MTBP: variants seen among roughly 807,000 people sequenced by gnomAD.
MTBP encodes the protein mdm2-binding protein.
MTBP carries 101 observed loss-of-function variants against 117.0 expected under a neutral mutation model. That is an observed-to-expected ratio of 0.86 (90% CI 0.73 to 1.02). MTBP has a LOEUF of 1.02. Ranked by LOEUF, MTBP falls within the 50% of genes least tolerant of loss-of-function variation. MTBP has a pLI of 0.00. For synonymous variants in MTBP, 350 were observed against 351.5 expected, an observed-to-expected ratio of 1.00 and a Z score of 0.05; for missense variants, 970 against 1,030.9, an observed-to-expected ratio of 0.94 and a Z score of 0.81.
chr8:120,484,405 A>G (rs1814164874), intron 11 of MTBP, among the ~76,000 whole-genome samples: 1 of 152,098 alleles, frequency 6.6e-6, no homozygotes. Flanking sequence ...AATAGACTAT[A>G]ACCCACGGTA....
rs1337084037 is a variant in MTBP at position 120,451,451 on chromosome 8, ACT to A, written c.425+133_425+134del. 9.4e-6 allele frequency: 7 copies of A among 746,180 alleles called. No homozygotes were observed. In the East Asian group the frequency reaches 2.0e-4, roughly 21 times the overall value. The allele number at this position is 746,180 out of a possible 1,614,324, so 46.2% of individuals were successfully genotyped here. On this transcript the variant is annotated intron_variant, in intron 4 of 21. Transcript: ENST00000305949. ...AAACTCTAGTTAATTGAAATTTTTGACTCTCAATTTGGGCCTTTTATTTGAAT... is the reference window on the plus strand; with the variant it reads ...AAACTCTAGTTAATTGAAATTTTTGACTCAATTTGGGCCTTTTATTTGAAT...
intron 11 of MTBP, among the ~76,000 whole-genome samples, chr8:120,479,885 C>G (rs1205822715): frequency 2.0e-5 from 3 of 152,024 alleles, no homozygotes; most frequent in Admixed American, 6.6e-5. Flanking sequence ...GAAGGAAGAT[C>G]AAGAATCAAT....
intron 13 of MTBP, among the ~76,000 whole-genome samples, chr8:120,491,839 G>T (rs1008332360): frequency 6.6e-6 from 1 of 151,970 alleles, no homozygotes; most frequent in Non-Finnish European, 1.5e-5. Context: ...TCTAAAGCTG[G>T]TGCATCTCTT....
intron 17 of MTBP, among the ~76,000 whole-genome samples, chr8:120,510,459 A>T (rs1476508263): frequency 1.3e-5 from 2 of 152,184 alleles, no homozygotes; most frequent in Non-Finnish European, 2.9e-5. Flanking sequence ...CAATATCCTC[A>T]AACTGGAAAG....
At chr8:120,450,679 T>A (rs1370781337) in intron 2 of MTBP, among the ~76,000 whole-genome samples, 3 of 152,200 alleles carry the variant, frequency 2.0e-5, no homozygotes, top group African/African-American at 7.2e-5. Context: ...TACTCAGTAG[T>A]AATTGAGTAG....
rs780695468 is a variant in MTBP at position 120,451,429 on chromosome 8, C to G, written c.425+107C>G. The G allele has an allele frequency of 1.0e-5, 10 of 976,260 alleles. No individual in the cohort carries two copies. In the African/African-American group the frequency reaches 1.5e-4, roughly 15 times the overall value. The allele number at this position is 976,260 out of a possible 1,614,324, so 60.5% of individuals were successfully genotyped here. On this transcript the variant is annotated intron_variant, in intron 4 of 21. Transcript: ENST00000305949. ...TATTTTAGCATCTTTACTGAAGAAA[C>G]TCTAGTTAATTGAAATTTTTGACTC...
intron 9 of MTBP, 98 bp from the exon 10 acceptor site, chr8:120,463,594 T>G (rs1813625318): frequency 1.0e-6 from 1 of 982,470 alleles, no homozygotes; most frequent in African/African-American, 1.6e-5. Flanking sequence ...ATAGATGAAT[T>G]TAAGCAACTG....
Position 120,515,980 on chromosome 8 carries a change from C to T in MTBP, c.2035C>T (p.Gln679Ter). 1 of 1,612,914 alleles carries T rather than the reference C, an allele frequency of 6.2e-7. No homozygotes were observed. The highest frequency in any genetic ancestry group is 8.5e-7 in the Non-Finnish European group (1 of 1,179,168). The change falls in exon 18 of 22, where the codon CAG becomes TAG. Residue 679 changes from glutamine (Q) to a stop codon, truncating the protein, a stop_gained. Transcript: ENST00000305949. LOFTEE classifies it high-confidence loss of function. The part of the protein sequence containing the change: ...LERDGGFSEL[Q>*]SRLIRYETQT... ...AAGAGATGGAGGATTTTCTGAACTTCAGTCTCGTCTTATTCGTTATGAAAC... is the reference window on the plus strand; with the variant it reads ...AAGAGATGGAGGATTTTCTGAACTTTAGTCTCGTCTTATTCGTTATGAAAC...
chr8:120,487,947 A>T (rs1347715201), intron 11 of MTBP, among the ~76,000 whole-genome samples: 1 of 152,254 alleles, frequency 6.6e-6, no homozygotes, highest in Non-Finnish European at 1.5e-5. Context: ...CATACTTTTA[A>T]TTTAAAATAA....
intron 8 of MTBP, 140 bp downstream of exon 8, chr8:120,459,489 T>C: frequency 2.6e-6 from 2 of 772,018 alleles, no homozygotes; most frequent in Non-Finnish European, 3.9e-6. Flanking sequence ...ATTAAGTACT[T>C]AAGTTATACT....
chr8:120,464,871 G>A (rs1022969015), intron 10 of MTBP, among the ~76,000 whole-genome samples: 4 of 151,724 alleles, frequency 2.6e-5, no homozygotes. Context: ...TAGATTTCGG[G>A]AACCCAGTAA....
chr8:120,472,731 A>G (rs1443880127), intron 11 of MTBP: 1 of 152,162 alleles, frequency 6.6e-6, no homozygotes, highest in Non-Finnish European at 1.5e-5. Flanking sequence ...TAATCCCAGG[A>G]CTAGCCCAGT....
chr8:120,477,374 A>T (rs1270949155), intron 11 of MTBP, among the ~76,000 whole-genome samples: 1 of 152,234 alleles, frequency 6.6e-6, no homozygotes, highest in African/African-American at 2.4e-5. Flanking sequence ...ACTAAAAGCA[A>T]TGGCAGCAAA....
intron 7 of MTBP, among the ~76,000 whole-genome samples, chr8:120,458,255 CTT>C (rs1206025544): frequency 6.6e-6 from 1 of 152,140 alleles, no homozygotes; most frequent in Non-Finnish European, 1.5e-5. Flanking sequence ...AATCCCAACT[CTT>C]TTTTCTTTCT....
intron 9 of MTBP, among the ~76,000 whole-genome samples, chr8:120,462,667 AG>A (rs1239366188): frequency 6.6e-6 from 1 of 152,156 alleles, no homozygotes; most frequent in Non-Finnish European, 1.5e-5. Flanking sequence ...AGCAGCTTGT[AG>A]GTCAGAAGCT....
At chr8:120,478,833 G>A (rs1452805421) in intron 11 of MTBP, among the ~76,000 whole-genome samples, 1 of 152,020 alleles carries the variant, frequency 6.6e-6, no homozygotes, top group South Asian at 2.1e-4. Flanking sequence ...CATAGAAAAA[G>A]ATCGTACACG....
At chr8:120,471,801 G>C (rs1813821791) in intron 11 of MTBP, 1 of 152,102 alleles carries the variant, frequency 6.6e-6, no homozygotes, top group Admixed American at 6.6e-5. Context: ...ACTTCTCCAA[G>C]GGTTTGAATC....
At position 120,450,722 on chromosome 8, in the gene MTBP, A is replaced by G. The variant is rs566798070; in HGVS notation, c.200-281A>G. ...TTCAACATCTTTATGGTTGATTGTA[A>G]TCTGTGTGAAATGATGATTAAAATA... On this transcript the variant is annotated intron_variant, in intron 2 of 21. Coordinates refer to ENST00000305949, the MANE Select transcript of MTBP (RefSeq NM_022045.5). Among the ~76,000 whole-genome samples the G allele has an allele frequency of 2.6e-5, 4 of 152,300 alleles. No individual in the cohort carries two copies. The South Asian group carries it at 6.2e-4, about 24-fold the overall frequency.
At chr8:120,510,333 G>A (rs1249015450) in intron 17 of MTBP, among the ~76,000 whole-genome samples, 1 of 151,868 alleles carries the variant, frequency 6.6e-6, no homozygotes, top group Non-Finnish European at 1.5e-5. Flanking sequence ...AATATTTCCT[G>A]GTCACCAATT....
Sources: allele counts gnomAD v4.1 joint callset (sites outside exome capture counted in the v4.1 genomes callset), GRCh38; gene constraint gnomAD v4.1.1; transcripts MANE v1.5; gene names NCBI Gene and HGNC (gene_info 2026-07-23, HGNC 2026-07-21).